Variants in NKAIN2 observed in about 807,000 individuals in gnomAD.
NKAIN2 encodes sodium/potassium transporting ATPase interacting 2.
A neutral mutation model predicts 32.6 loss-of-function variants in NKAIN2; 14 were observed. The ratio of observed to expected loss-of-function variants is 0.43; its 90% CI spans 0.28 to 0.67. The LOEUF (loss-of-function observed/expected upper bound fraction) is 0.67. NKAIN2 is among the 30% of genes least tolerant of loss of function. The probability of loss-of-function intolerance (pLI) is 0.17; values close to 1 mark genes in which losing one functional copy is unlikely to be tolerated. For missense variants in NKAIN2, 198 were observed against 258.3 expected, an observed-to-expected ratio of 0.77 and a Z score of 1.60; for synonymous variants, 80 against 87.2, an observed-to-expected ratio of 0.92 and a Z score of 0.46.
chr6:124,492,201 A>G lies in NKAIN2; in HGVS notation c.273+136854A>G, dbSNP rs117800883. Among the ~76,000 whole-genome samples the G allele has an allele frequency of 1.2e-3, 190 of 152,132 alleles. 2 individuals are homozygous for G. In the East Asian group the frequency reaches 0.027, roughly 22 times the overall value. On this transcript the variant is annotated intron_variant, in intron 3 of 6. Coordinates refer to ENST00000368417, the MANE Select transcript of NKAIN2 (RefSeq NM_001040214.3). ...AAAAATGATATTTATTTTTCTCTAA[A>G]GATATTCGTTTGAAGAAATTTTTTT...
chr6:123,885,907 A>G lies in NKAIN2; in HGVS notation c.54+81653A>G, dbSNP rs546843365. On this transcript the variant is annotated intron_variant, in intron 1 of 6. Coordinates refer to ENST00000368417, the MANE Select transcript of NKAIN2 (RefSeq NM_001040214.3). ...TTACATTGCCTTAGTGACACCAGCCAATGAGGAATGAAAAATCCAGGTGAG... is the reference window on the plus strand; with the variant it reads ...TTACATTGCCTTAGTGACACCAGCCGATGAGGAATGAAAAATCCAGGTGAG... 4.6e-4 allele frequency among the ~76,000 whole-genome samples: 70 copies of G among 151,776 alleles called. 1 individual carries two copies. Among genetic ancestry groups the G allele is most frequent in the African/African-American group, 1.6e-3 (66 of 41,492 alleles).
chr6:124,252,361 G>A (rs1793725550), intron 1 of NKAIN2, among the ~76,000 whole-genome samples: 1 of 151,968 alleles, frequency 6.6e-6, no homozygotes, highest in Non-Finnish European at 1.5e-5. Context: ...CTTAACATAT[G>A]TGTTTAGCGA....
At chr6:123,859,641 C>G (rs1357100453) in intron 1 of NKAIN2, among the ~76,000 whole-genome samples, 1 of 152,182 alleles carries the variant, frequency 6.6e-6, no homozygotes, top group African/African-American at 2.4e-5. Context: ...GTAACACTCT[C>G]ACATTCATCA....
chr6:124,603,539 T>C (rs1408207860), intron 3 of NKAIN2, among the ~76,000 whole-genome samples: 1 of 151,972 alleles, frequency 6.6e-6, no homozygotes, highest in Non-Finnish European at 1.5e-5. Flanking sequence ...TTTCTTTGTC[T>C]ATATGTCAGT....
chr6:124,185,461 T>C (rs1789668312), intron 1 of NKAIN2, among the ~76,000 whole-genome samples: 1 of 152,180 alleles, frequency 6.6e-6, no homozygotes, highest in African/African-American at 2.4e-5. Flanking sequence ...ATGTTTTGTA[T>C]GCTCAAAGAA....
At chr6:124,156,628 G>C (rs1021027841) in intron 1 of NKAIN2, among the ~76,000 whole-genome samples, 7 of 152,166 alleles carry the variant, frequency 4.6e-5, no homozygotes, top group African/African-American at 1.4e-4. Context: ...AGACAGACTG[G>C]AAAGAGTTGA....
At position 123,964,362 on chromosome 6, in the gene NKAIN2, A is replaced by T. The variant is rs551728344; in HGVS notation, c.54+160108A>T. ...TCTAGTTTCATTAAATTTAATTAGT[A>T]TCAATTGCCAGTGTCAGCACGTTGA... On this transcript the variant is annotated intron_variant, in intron 1 of 6. Coordinates refer to ENST00000368417, the MANE Select transcript of NKAIN2 (RefSeq NM_001040214.3). The surrounding 1 kb of genome is among the most constrained non-coding windows in gnomAD (Gnocchi z 4.0). 2.0e-5 allele frequency among the ~76,000 whole-genome samples: 3 copies of T among 152,216 alleles called. No homozygotes were observed. The highest frequency in any genetic ancestry group is 7.2e-5 in the African/African-American group (3 of 41,542).
chr6:123,861,724 T>A (rs922145301), intron 1 of NKAIN2, among the ~76,000 whole-genome samples: 2 of 152,196 alleles, frequency 1.3e-5, no homozygotes, highest in Non-Finnish European at 2.9e-5. Flanking sequence ...GAGTGTGAAA[T>A]GTAACCTGCA....
At chr6:124,343,412 T>G (rs1798236002) in intron 2 of NKAIN2, among the ~76,000 whole-genome samples, 1 of 150,878 alleles carries the variant, frequency 6.6e-6, no homozygotes, top group Non-Finnish European at 1.5e-5. Flanking sequence ...CCACACTGAC[T>G]TCCACAATGG....
chr6:124,411,153 T>A (rs536629462), intron 3 of NKAIN2, among the ~76,000 whole-genome samples: 2 of 152,312 alleles, frequency 1.3e-5, no homozygotes, highest in African/African-American at 4.8e-5. Context: ...AGTCTGTGCC[T>A]TTTAATTGGA....
At position 124,401,865 on chromosome 6, in the gene NKAIN2, C is replaced by G. The variant is rs140237651; in HGVS notation, c.273+46518C>G. On this transcript the variant is annotated intron_variant, in intron 3 of 6. Coordinates refer to ENST00000368417, the MANE Select transcript of NKAIN2 (RefSeq NM_001040214.3). ...CCACTTTGTGGCTTACCTTTTTATT[C>G]TCCTAATGATGTCTTTTGATAAATG... Among the ~76,000 whole-genome samples, 191 of 152,170 alleles carry G rather than the reference C, an allele frequency of 1.3e-3. 1 individual carries two copies. Among genetic ancestry groups the G allele is most frequent in the African/African-American group, 4.4e-3 (184 of 41,520 alleles).
intron 1 of NKAIN2, among the ~76,000 whole-genome samples, chr6:124,278,652 TATATATATATATATATATATATA>T (rs979262977): frequency 1.0e-4 from 5 of 48,808 alleles, no homozygotes; most frequent in African/African-American, 5.8e-4. Flanking sequence ...ACATAGCTCA[TATATATATATATATATATATATA>T]TATATATATA....
chr6:123,881,514 C>A lies in NKAIN2; in HGVS notation c.54+77260C>A, dbSNP rs982486210. Among the ~76,000 whole-genome samples the A allele has an allele frequency of 6.6e-5, 10 of 152,070 alleles. No homozygotes were observed. The East Asian group carries it at 1.5e-3, about 23-fold the overall frequency. On this transcript the variant is annotated intron_variant, in intron 1 of 6. Transcript: ENST00000368417. ...ATCTAGTGTCATAATTTGGATTGCT[C>A]AGTAAGGAACTAGTTTGGTGTCACT...
intron 1 of NKAIN2, among the ~76,000 whole-genome samples, chr6:124,159,813 A>G (rs1233638539): frequency 2.6e-5 from 4 of 152,174 alleles, no homozygotes; most frequent in Non-Finnish European, 5.9e-5. Context: ...AGCCAATACC[A>G]AAGTGTGCAT....
intron 3 of NKAIN2, among the ~76,000 whole-genome samples, chr6:124,655,873 A>T (rs1346683398): frequency 6.6e-6 from 1 of 152,134 alleles, no homozygotes; most frequent in Non-Finnish European, 1.5e-5. Flanking sequence ...TCAAATGGAA[A>T]CTTGTGGTTG....
At chr6:124,052,446 C>T (rs903645394) in intron 1 of NKAIN2, among the ~76,000 whole-genome samples, 8 of 152,008 alleles carry the variant, frequency 5.3e-5, no homozygotes, top group Non-Finnish European at 1.2e-4. Flanking sequence ...ATGATATTAA[C>T]CAAACCTCGA....
At chr6:124,274,444 A>G (rs1794935358) in intron 1 of NKAIN2, among the ~76,000 whole-genome samples, 1 of 152,164 alleles carries the variant, frequency 6.6e-6, no homozygotes. Flanking sequence ...TTGAATTAGC[A>G]AAGTATTTGG....
intron 4 of NKAIN2, among the ~76,000 whole-genome samples, chr6:124,741,009 A>G (rs9385343): frequency 0.59 from 89,580 of 151,326 alleles, 26,891 homozygotes; most frequent in East Asian, 0.72. Flanking sequence ...AACAGAAAAA[A>G]TAATTCCAAT....
intron 3 of NKAIN2, among the ~76,000 whole-genome samples, chr6:124,568,063 A>T (rs369731009): frequency 2.0e-5 from 3 of 152,142 alleles, no homozygotes; most frequent in African/African-American, 7.2e-5. Context: ...TATGATGCTT[A>T]TGTTTCTTAA....
Sources: gnomAD v4.1 joint callset for allele counts (sites outside exome capture counted in the v4.1 genomes callset) on GRCh38, gnomAD v4.1.1 for gene constraint, Gnocchi (gnomAD v3.1) non-coding constraint, MANE v1.5 for transcripts, NCBI Gene and HGNC (gene_info 2026-07-23, HGNC 2026-07-21) for gene names.